The following NRG1 variants were observed in gnomAD, a reference collection of about 807,000 sequenced individuals.
NRG1 encodes the protein pro-neuregulin-1, membrane-bound isoform.
NRG1 carries 18 observed loss-of-function variants against 63.8 expected under a neutral mutation model. That is an observed-to-expected ratio of 0.28 (90% CI 0.19 to 0.42). The LOEUF is 0.42. Ranked by LOEUF, NRG1 falls within the 10% of genes least tolerant of loss-of-function variation. NRG1 has a pLI of 1.00. For missense variants in NRG1, 762 were observed against 814.7 expected, an observed-to-expected ratio of 0.94 and a Z score of 0.79; for synonymous variants, 302 against 301.3, an observed-to-expected ratio of 1.00 and a Z score of -0.02.
At chr8:32,314,435 G>A (rs1038943378) in intron 1 of NRG1, among the ~76,000 whole-genome samples, 12 of 53,162 alleles carry the variant, frequency 2.3e-4, no homozygotes, top group African/African-American at 9.8e-4. Flanking sequence ...GGAGGGAATG[G>A]CGGTCCTCGC....
chr8:31,664,786 A>G (rs1219015989), intron 1 of NRG1, among the ~76,000 whole-genome samples: 1 of 152,206 alleles, frequency 6.6e-6, no homozygotes, highest in South Asian at 2.1e-4. Flanking sequence ...GTTAACTGGT[A>G]AAACTCAGTC....
At chr8:31,902,418 T>A (rs1192047452) in intron 1 of NRG1, among the ~76,000 whole-genome samples, 2 of 152,192 alleles carry the variant, frequency 1.3e-5, no homozygotes, top group East Asian at 3.9e-4. Context: ...CTTGTACACA[T>A]CAACTCTGAT....
chr8:32,123,692 A>G (rs978897759), intron 1 of NRG1, among the ~76,000 whole-genome samples: 4 of 150,488 alleles, frequency 2.7e-5, no homozygotes, highest in Non-Finnish European at 4.4e-5. Context: ...TATTCTAAAA[A>G]TTATATTTTT....
At chr8:32,571,721 T>A (rs1838628828) in intron 1 of NRG1, among the ~76,000 whole-genome samples, 1 of 152,222 alleles carries the variant, frequency 6.6e-6, no homozygotes, top group Non-Finnish European at 1.5e-5. Flanking sequence ...CTGTTTCATC[T>A]TTTTCTTGTT....
intron 1 of NRG1, among the ~76,000 whole-genome samples, chr8:31,824,792 G>GT (rs1373130698): frequency 6.6e-6 from 1 of 152,152 alleles, no homozygotes; most frequent in African/African-American, 2.4e-5. Flanking sequence ...TAAATTTGCA[G>GT]TGAGTTTCAG....
At chr8:32,249,788 A>G (rs1413832092) in intron 1 of NRG1, among the ~76,000 whole-genome samples, 1 of 152,146 alleles carries the variant, frequency 6.6e-6, no homozygotes, top group African/African-American at 2.4e-5. Context: ...GATCCATATC[A>G]TGGCACCAAA....
At chr8:32,630,120 A>T (rs924991160) in intron 5 of NRG1, among the ~76,000 whole-genome samples, 1 of 152,170 alleles carries the variant, frequency 6.6e-6, no homozygotes, top group African/African-American at 2.4e-5. Flanking sequence ...CACAGATGGT[A>T]GAGGTTGAAG....
At chr8:32,480,644 C>T (rs1026602526) in intron 1 of NRG1, among the ~76,000 whole-genome samples, 1 of 152,130 alleles carries the variant, frequency 6.6e-6, no homozygotes, top group African/African-American at 2.4e-5. Context: ...TATTTTGGCT[C>T]ATGGTTCTGT....
At chr8:32,702,741 C>A (rs912641160) in intron 5 of NRG1, among the ~76,000 whole-genome samples, 4 of 152,134 alleles carry the variant, frequency 2.6e-5, no homozygotes, top group Non-Finnish European at 5.9e-5. Flanking sequence ...CTCGGCCTCC[C>A]AAAGTGCTGG....
At chr8:32,486,610 G>A (rs1181198093) in intron 1 of NRG1, among the ~76,000 whole-genome samples, 1 of 150,026 alleles carries the variant, frequency 6.7e-6, no homozygotes, top group Non-Finnish European at 1.5e-5. Flanking sequence ...TTCCTCAAGA[G>A]GCTACAGAAT....
At chr8:32,358,283 T>A (rs992913686) in intron 1 of NRG1, among the ~76,000 whole-genome samples, 1 of 146,472 alleles carries the variant, frequency 6.8e-6, no homozygotes, top group African/African-American at 2.5e-5. Flanking sequence ...CGTGGGAGAG[T>A]AAGCATTTGT....
intron 1 of NRG1, among the ~76,000 whole-genome samples, chr8:32,094,212 C>T (rs768524615): frequency 2.6e-5 from 4 of 152,110 alleles, no homozygotes; most frequent in Admixed American, 6.5e-5. Flanking sequence ...GAATGAAAGC[C>T]CAAACCCAGC....
At chr8:32,001,451 T>C (rs1381731036) in intron 1 of NRG1, among the ~76,000 whole-genome samples, 1 of 152,050 alleles carries the variant, frequency 6.6e-6, no homozygotes, top group Non-Finnish European at 1.5e-5. Flanking sequence ...TGTGAGTCTA[T>C]TAGACCTCTT....
At chr8:31,656,720 T>A (rs1805468950) in intron 1 of NRG1, among the ~76,000 whole-genome samples, 3 of 152,200 alleles carry the variant, frequency 2.0e-5, no homozygotes, top group Non-Finnish European at 4.4e-5. Context: ...TCTCCTGAGC[T>A]AAGAATTCTT....
chr8:32,159,590 G>A (rs1402520973), intron 1 of NRG1, among the ~76,000 whole-genome samples: 2 of 151,536 alleles, frequency 1.3e-5, no homozygotes, highest in Non-Finnish European at 2.9e-5. Context: ...TTGGGAATAG[G>A]ATTATTTCCT....
chr8:31,675,535 TGGAGAAATGTTATCAA>T (rs1372681630), intron 1 of NRG1, among the ~76,000 whole-genome samples: 5 of 152,184 alleles, frequency 3.3e-5, no homozygotes, highest in African/African-American at 1.2e-4. Flanking sequence ...TGAATTGACA[TGGAGAAATGTTATCAA>T]GTCCAATTTG....
intron 1 of NRG1, among the ~76,000 whole-genome samples, chr8:32,473,186 A>T (rs1365659487): frequency 6.6e-6 from 1 of 152,216 alleles, no homozygotes; most frequent in Non-Finnish European, 1.5e-5. Flanking sequence ...TGGAGAATGG[A>T]CTGGATGAAT....
intron 1 of NRG1, among the ~76,000 whole-genome samples, chr8:32,480,011 C>A (rs2129492695): frequency 6.6e-6 from 1 of 152,202 alleles, no homozygotes; most frequent in Non-Finnish European, 1.5e-5. Flanking sequence ...CACTTAAAGA[C>A]CCATACAGAT....
At chr8:32,148,220 G>A (rs192809585) in intron 1 of NRG1, among the ~76,000 whole-genome samples, 2 of 152,186 alleles carry the variant, frequency 1.3e-5, no homozygotes, top group Admixed American at 6.5e-5. Context: ...AGAGACAGAC[G>A]AAATAATTTA....
Sources: gnomAD v4.1 joint callset for allele counts (sites outside exome capture counted in the v4.1 genomes callset) on GRCh38, gnomAD v4.1.1 for gene constraint, MANE v1.5 for transcripts, NCBI Gene and HGNC (gene_info 2026-07-23, HGNC 2026-07-21) for gene names.